DCC: variants seen among roughly 807,000 people sequenced by gnomAD.
The protein encoded by DCC is netrin receptor DCC.
In DCC, 58 loss-of-function variants were observed where a neutral mutation model predicts 172.5. The ratio of observed to expected loss-of-function variants is 0.34; its 90% CI spans 0.27 to 0.42. The LOEUF (loss-of-function observed/expected upper bound fraction) is 0.42, where lower values mean the gene tolerates loss of function less well. Ranked by LOEUF, DCC falls within the 10% of genes least tolerant of loss-of-function variation. The pLI is 1.00. For missense variants in DCC, 1,740 were observed against 1,791.0 expected (o/e 0.97, Z 0.51); for synonymous variants, 709 against 644.5 (o/e 1.10, Z -1.52).
intron 1 of DCC, among the ~76,000 whole-genome samples, chr18:52,638,660 T>A (rs954582895): frequency 6.6e-6 from 1 of 152,078 alleles, no homozygotes; most frequent in Admixed American, 6.6e-5. Context: ...CCTAACACAC[T>A]GGAGCTCCCA....
At chr18:52,385,866 C>G (rs1985777375) in intron 1 of DCC, among the ~76,000 whole-genome samples, 1 of 152,048 alleles carries the variant, frequency 6.6e-6, no homozygotes, top group South Asian at 2.1e-4. Context: ...TTTAAAATTA[C>G]CTCTTCACAT....
rs1235204153 is a variant in DCC at position 53,526,702 on chromosome 18, G to A, written c.4197G>A (p.Val1399=). ...GATCCCCTTTGCTTCCTGTGTCTGTGCCAACAGCCCCTGAAGTGTCTGAGG... is the reference window on the plus strand; with the variant it reads ...GATCCCCTTTGCTTCCTGTGTCTGTACCAACAGCCCCTGAAGTGTCTGAGG... The part of the protein sequence containing the change: ...KARSPLLPVS[V]PTAPEVSEES... The change falls in exon 28 of 29, where the codon GTG becomes GTA. Residue 1399 remains valine (V), a synonymous_variant. Coordinates refer to ENST00000442544, the MANE Select transcript of DCC (RefSeq NM_005215.4). 9 of 1,613,420 alleles carry A rather than the reference G, an allele frequency of 5.6e-6. No individual in the cohort carries two copies. In the African/African-American group the frequency reaches 8.0e-5, roughly 14 times the overall value.
At chr18:52,861,304 G>A (rs972636851) in intron 2 of DCC, among the ~76,000 whole-genome samples, 1 of 152,192 alleles carries the variant, frequency 6.6e-6, no homozygotes, top group African/African-American at 2.4e-5. Flanking sequence ...CTTTTTATTG[G>A]CTCTATAAAG....
chr18:53,085,478 C>G (rs549927623), intron 7 of DCC, among the ~76,000 whole-genome samples: 4 of 152,170 alleles, frequency 2.6e-5, no homozygotes, highest in African/African-American at 9.6e-5. Flanking sequence ...AATTATTATT[C>G]CAATTTGTAG....
At chr18:53,319,035 T>A (rs549274660) in intron 13 of DCC, among the ~76,000 whole-genome samples, 32 of 152,190 alleles carry the variant, frequency 2.1e-4, no homozygotes, top group Admixed American at 5.9e-4. Flanking sequence ...AAAGAAGAAA[T>A]AAAAGCCTTT....
intron 9 of DCC, among the ~76,000 whole-genome samples, chr18:53,200,018 C>T (rs896727283): frequency 2.6e-5 from 4 of 152,138 alleles, no homozygotes; most frequent in South Asian, 2.1e-4. Context: ...ACCAACAAAT[C>T]GAATGTTCTC....
intron 24 of DCC, among the ~76,000 whole-genome samples, chr18:53,465,965 C>T (rs2045615457): frequency 6.6e-6 from 1 of 152,074 alleles, no homozygotes; most frequent in Non-Finnish European, 1.5e-5. Context: ...AGGGTTTCAC[C>T]ATGTTAGCCA....
At chr18:52,515,423 C>T (rs546125221) in intron 1 of DCC, among the ~76,000 whole-genome samples, 9 of 151,104 alleles carry the variant, frequency 6.0e-5, no homozygotes, top group Non-Finnish European at 1.0e-4. Flanking sequence ...CTGGCTAACA[C>T]GGTAAAACCC....
intron 15 of DCC, among the ~76,000 whole-genome samples, chr18:53,355,866 A>G (rs7241752): frequency 0.1 from 15,937 of 151,902 alleles, 900 homozygotes; most frequent in Middle Eastern, 0.19. Flanking sequence ...CTTGTCATGG[A>G]TTTTATACAA....
At chr18:53,441,364 A>T (rs1207782979) in intron 22 of DCC, among the ~76,000 whole-genome samples, 1 of 151,964 alleles carries the variant, frequency 6.6e-6, no homozygotes, top group Non-Finnish European at 1.5e-5. Flanking sequence ...GATTTTGGTG[A>T]TCTCATCCTT....
intron 1 of DCC, among the ~76,000 whole-genome samples, chr18:52,622,319 T>C (rs986140): frequency 0.077 from 11,737 of 152,210 alleles, 559 homozygotes; most frequent in South Asian, 0.15. Flanking sequence ...GAAGAGTACA[T>C]TGTTCTACAA....
chr18:52,726,422 A>G (rs780947465), intron 1 of DCC, among the ~76,000 whole-genome samples: 2 of 151,976 alleles, frequency 1.3e-5, no homozygotes, highest in African/African-American at 2.4e-5. Context: ...AATTGATTTC[A>G]CTATTTGTAG....
chr18:52,850,925 T>G (rs1232557566), intron 2 of DCC, among the ~76,000 whole-genome samples: 1 of 152,128 alleles, frequency 6.6e-6, no homozygotes, highest in Non-Finnish European at 1.5e-5. Flanking sequence ...AATTTGTCTT[T>G]TTATCTTTTC....
At chr18:52,423,952 GATA>G (rs528598868) in intron 1 of DCC, among the ~76,000 whole-genome samples, 8 of 152,048 alleles carry the variant, frequency 5.3e-5, no homozygotes, top group Non-Finnish European at 1.0e-4. Flanking sequence ...CTTCCGTTCC[GATA>G]ATGTCTCTAG....
chr18:52,579,585 T>C (rs1226529140), intron 1 of DCC, among the ~76,000 whole-genome samples: 1 of 152,150 alleles, frequency 6.6e-6, no homozygotes, highest in Non-Finnish European at 1.5e-5. Flanking sequence ...CTCTGTTGGA[T>C]TAGGCTGAAC....
intron 2 of DCC, among the ~76,000 whole-genome samples, chr18:52,771,066 C>G (rs1395851457): frequency 6.6e-6 from 1 of 152,114 alleles, no homozygotes; most frequent in Non-Finnish European, 1.5e-5. Context: ...CTTTTCTTTT[C>G]AGAAAGCAGT....
chr18:52,617,929 TA>T (rs2034414462), intron 1 of DCC, among the ~76,000 whole-genome samples: 1 of 152,180 alleles, frequency 6.6e-6, no homozygotes, highest in East Asian at 1.9e-4. Context: ...CATGTCTATA[TA>T]GCCTAAGGCC....
Position 53,164,136 on chromosome 18 carries a change from A to G in DCC, c.1418+6624A>G, listed in dbSNP as rs2054882841. Reference sequence around the variant, plus strand: ...AAATGTTCTTGATATTTATAGAATTATGACATGCAATTCTTTTATATGTTT... The same window carrying G: ...AAATGTTCTTGATATTTATAGAATTGTGACATGCAATTCTTTTATATGTTT... On this transcript the variant is annotated intron_variant, in intron 8 of 28. Transcript: ENST00000442544. Among the ~76,000 whole-genome samples the G allele has an allele frequency of 2.0e-5, 3 of 152,332 alleles. No homozygotes were observed. In the South Asian group the frequency reaches 6.2e-4, roughly 32 times the overall value.
At position 53,157,514 on chromosome 18, in the gene DCC, T is replaced by C; in HGVS notation, c.1418+2T>C. 2 of 1,613,886 alleles carry C rather than the reference T, an allele frequency of 1.2e-6. No individual in the cohort carries two copies. Among genetic ancestry groups the C allele is most frequent in the Non-Finnish European group, 1.7e-6 (2 of 1,179,910 alleles). On this transcript the variant is annotated splice_donor_variant, in intron 8 of 28. Transcript: ENST00000442544. LOFTEE classifies it high-confidence loss of function. ...TTTCTCCAGAGAAGGTGACAACAGGTAGGTGATGCTACCAATAAAATTCAG... is the reference window on the plus strand; with the variant it reads ...TTTCTCCAGAGAAGGTGACAACAGGCAGGTGATGCTACCAATAAAATTCAG...
Sources: gnomAD v4.1 joint callset for allele counts (sites outside exome capture counted in the v4.1 genomes callset) on GRCh38, gnomAD v4.1.1 for gene constraint, MANE v1.5 for transcripts, NCBI Gene and HGNC (gene_info 2026-07-23, HGNC 2026-07-21) for gene names.